The following ARHGAP28 variants were observed in gnomAD, a reference collection of about 807,000 sequenced individuals.
The protein encoded by ARHGAP28 is Rho GTPase activating protein 28.
A neutral mutation model predicts 90.7 loss-of-function variants in ARHGAP28; 56 were observed. The ratio of observed to expected loss-of-function variants is 0.62; its 90% CI spans 0.50 to 0.77. The LOEUF is 0.77. ARHGAP28 is among the 30% of genes least tolerant of loss of function. The pLI is 0.00. For synonymous variants in ARHGAP28, 308 were observed against 323.3 expected, an observed-to-expected ratio of 0.95 and a Z score of 0.51; for missense variants, 869 against 900.9, an observed-to-expected ratio of 0.96 and a Z score of 0.45.
intron 3 of ARHGAP28, among the ~76,000 whole-genome samples, chr18:6,849,717 A>G (rs1401742007): frequency 6.6e-6 from 1 of 152,162 alleles, no homozygotes; most frequent in African/African-American, 2.4e-5. Context: ...ATGCCTCCCT[A>G]AAACTTATTC....
At chr18:6,803,731 G>A (rs1023052632) in intron 1 of ARHGAP28, among the ~76,000 whole-genome samples, 3 of 151,786 alleles carry the variant, frequency 2.0e-5, no homozygotes, top group Admixed American at 6.6e-5. Context: ...TCTGGACCTG[G>A]AGTTTTCTTG....
chr18:6,904,351 A>C (rs2057353916), intron 16 of ARHGAP28, among the ~76,000 whole-genome samples: 1 of 152,102 alleles, frequency 6.6e-6, no homozygotes, highest in Non-Finnish European at 1.5e-5. Flanking sequence ...CCGAAACCAC[A>C]CCACTGCACT....
At chr18:6,850,527 C>T (rs2056901623) in intron 3 of ARHGAP28, among the ~76,000 whole-genome samples, 1 of 152,218 alleles carries the variant, frequency 6.6e-6, no homozygotes, top group African/African-American at 2.4e-5. Context: ...TTCTGCCACC[C>T]TTAGTGTATG....
At chr18:6,825,242 A>G (rs1164690237) in intron 2 of ARHGAP28, among the ~76,000 whole-genome samples, 8 of 152,152 alleles carry the variant, frequency 5.3e-5, no homozygotes, top group African/African-American at 1.9e-4. Flanking sequence ...GTGCCTGTCT[A>G]TTGGTTTGAT....
chr18:6,788,283 C>G (rs1391750581), intron 1 of ARHGAP28, among the ~76,000 whole-genome samples: 1 of 152,100 alleles, frequency 6.6e-6, no homozygotes, highest in South Asian at 2.1e-4. Context: ...GCTAGCTCCC[C>G]CTTTGCCTTT....
intron 1 of ARHGAP28, among the ~76,000 whole-genome samples, chr18:6,738,498 G>T (rs1220911335): frequency 6.6e-6 from 1 of 152,032 alleles, no homozygotes; most frequent in East Asian, 1.9e-4. Flanking sequence ...GCCTTAAAAA[G>T]AAACCACTTA....
intron 6 of ARHGAP28, among the ~76,000 whole-genome samples, chr18:6,869,551 G>A (rs1036447830): frequency 2.0e-5 from 3 of 152,074 alleles, no homozygotes; most frequent in Non-Finnish European, 4.4e-5. Flanking sequence ...ATGAGCCACT[G>A]TGCCTGGCGT....
At chr18:6,859,784 T>C (rs747589633) in intron 4 of ARHGAP28, 24 bp from the exon 5 acceptor site, 6 of 1,605,038 alleles carry the variant, frequency 3.7e-6, no homozygotes, top group African/African-American at 1.3e-5. Flanking sequence ...TGAATAAGAA[T>C]GGTACTTTTA....
chr18:6,821,381 G>T (rs185518204), intron 1 of ARHGAP28, among the ~76,000 whole-genome samples: 1 of 152,226 alleles, frequency 6.6e-6, no homozygotes, highest in East Asian at 1.9e-4. Context: ...CATTCAATTT[G>T]TCATGTAATA....
At chr18:6,861,403 A>T (rs1422508763) in intron 5 of ARHGAP28, among the ~76,000 whole-genome samples, 1 of 152,166 alleles carries the variant, frequency 6.6e-6, no homozygotes, top group African/African-American at 2.4e-5. Flanking sequence ...CTTTAGCTTT[A>T]TTCCCTTCAA....
At chr18:6,736,578 TAA>T (rs35403034) in intron 1 of ARHGAP28, among the ~76,000 whole-genome samples, 22 of 146,030 alleles carry the variant, frequency 1.5e-4, no homozygotes, top group East Asian at 2.0e-4. Context: ...CATTTCTACT[TAA>T]AAAAAAAAAA....
At chr18:6,806,431 G>A (rs1379529800) in intron 1 of ARHGAP28, among the ~76,000 whole-genome samples, 1 of 151,888 alleles carries the variant, frequency 6.6e-6, no homozygotes, top group Non-Finnish European at 1.5e-5. Flanking sequence ...GGCAAAAGCA[G>A]TAGAAACTTT....
chr18:6,893,625 C>T (rs1412722118), intron 14 of ARHGAP28, among the ~76,000 whole-genome samples: 2 of 152,036 alleles, frequency 1.3e-5, no homozygotes, highest in Admixed American at 6.6e-5. Flanking sequence ...TCAATGTTCT[C>T]ATCTTATAAA....
chr18:6,759,975 A>C (rs1385872818), intron 1 of ARHGAP28, among the ~76,000 whole-genome samples: 2 of 152,210 alleles, frequency 1.3e-5, no homozygotes, highest in African/African-American at 4.8e-5. Context: ...AATTGTAATC[A>C]GGAATTTTAG....
chr18:6,904,824 A>C (rs1448837961), intron 16 of ARHGAP28, among the ~76,000 whole-genome samples: 1 of 152,222 alleles, frequency 6.6e-6, no homozygotes, highest in Non-Finnish European at 1.5e-5. Flanking sequence ...TCAAAAACTT[A>C]GAATGGACCA....
At chr18:6,757,564 G>A (rs1050501781) in intron 1 of ARHGAP28, among the ~76,000 whole-genome samples, 7 of 152,126 alleles carry the variant, frequency 4.6e-5, no homozygotes, top group Admixed American at 1.3e-4. Flanking sequence ...TTTGGTAAAA[G>A]GAGCATTTGA....
chr18:6,904,273 A>C (rs2057353431), intron 16 of ARHGAP28, among the ~76,000 whole-genome samples: 1 of 152,116 alleles, frequency 6.6e-6, no homozygotes, highest in South Asian at 2.1e-4. Context: ...GGGCACCTGT[A>C]ATCTTAGCTA....
chr18:6,865,445 T>C (rs1025733582), intron 5 of ARHGAP28, among the ~76,000 whole-genome samples: 2 of 152,178 alleles, frequency 1.3e-5, no homozygotes, highest in African/African-American at 4.8e-5. Context: ...TTTTTGCAAG[T>C]TGTGGATTTG....
intron 10 of ARHGAP28, 107 bp from the exon 11 acceptor site, chr18:6,882,030 A>G: frequency 3.9e-6 from 4 of 1,021,684 alleles, no homozygotes; most frequent in Non-Finnish European, 5.6e-6. Context: ...ACATTACCTT[A>G]CCAGTCTGTT....
Sources: allele counts gnomAD v4.1 joint callset (sites outside exome capture counted in the v4.1 genomes callset), GRCh38; gene constraint gnomAD v4.1.1; transcripts MANE v1.5; gene names NCBI Gene and HGNC (gene_info 2026-07-23, HGNC 2026-07-21).